FSTL5: variants seen among roughly 807,000 people sequenced by gnomAD.
The protein encoded by FSTL5 is follistatin-related protein 5.
Under a neutral mutation model 89.1 loss-of-function variants are expected in FSTL5, and 62 were observed. The ratio of observed to expected loss-of-function variants is 0.70; its 90% CI spans 0.57 to 0.86. The LOEUF (loss-of-function observed/expected upper bound fraction) is 0.86, where lower values mean the gene tolerates loss of function less well. Among genes scored for constraint, FSTL5 ranks in the 40% least tolerant of loss-of-function variants. The pLI, the probability that FSTL5 is intolerant of heterozygous loss-of-function variation, is 0.00. For missense variants in FSTL5, 1,057 were observed against 1,001.6 expected (o/e 1.06, Z -0.75); for synonymous variants, 383 against 346.2 (o/e 1.11, Z -1.18).
chr4:161,830,337 T>A (rs6814878), intron 4 of FSTL5, among the ~76,000 whole-genome samples: 1 of 151,894 alleles, frequency 6.6e-6, no homozygotes, highest in Non-Finnish European at 1.5e-5. Flanking sequence ...AGTTCTTATG[T>A]GGATAGTAAG....
In FSTL5 at chr4:161,385,407, A is replaced by G. The variant is rs917065188; in HGVS notation, c.*340T>C. Reference sequence around the variant, plus strand: ...CAGAGAAAAAAAATAAACTACCCTCAAAATGAAATAATGCTTTATGTCATC... The same window carrying G: ...CAGAGAAAAAAAATAAACTACCCTCGAAATGAAATAATGCTTTATGTCATC... On this transcript the variant is annotated 3_prime_UTR_variant, in exon 16 of 16. Coordinates refer to ENST00000306100, the MANE Select transcript of FSTL5 (RefSeq NM_020116.5). The G allele has an allele frequency of 5.2e-6, 1 of 192,358 alleles. No individual in the cohort carries two copies. Among genetic ancestry groups the G allele is most frequent in the East Asian group, 1.4e-4 (1 of 7,134 alleles). 11.9% of individuals were successfully genotyped at this position (192,358 alleles called of 1,614,324 possible).
In FSTL5 at chr4:161,963,777, T is replaced by C. The variant is rs149191575; in HGVS notation, c.161-43125A>G. Among the ~76,000 whole-genome samples the C allele has an allele frequency of 2.2e-4, 34 of 152,086 alleles. No individual in the cohort carries two copies. In the East Asian group the frequency reaches 6.0e-3, roughly 27 times the overall value. On this transcript the variant is annotated intron_variant, in intron 3 of 15. Transcript: ENST00000306100. ...TTGGATAAGTATAAATATGACACTA[T>C]GCTGTGCCAAACAAATTAAGAAGGC... is the stretch of plus-strand genomic sequence containing the variant.
At chr4:161,392,583 C>A (rs1730856628) in intron 15 of FSTL5, among the ~76,000 whole-genome samples, 1 of 152,102 alleles carries the variant, frequency 6.6e-6, no homozygotes, top group African/African-American at 2.4e-5. Context: ...AGCCCTCTAA[C>A]TCTTTTTCAG....
At chr4:161,793,178 T>A (rs760801731) in intron 4 of FSTL5, among the ~76,000 whole-genome samples, 3 of 152,210 alleles carry the variant, frequency 2.0e-5, no homozygotes, top group Non-Finnish European at 4.4e-5. Flanking sequence ...AAGCAGCCAA[T>A]GTGCCTGACT....
intron 1 of FSTL5, among the ~76,000 whole-genome samples, chr4:162,121,729 A>G (rs927948804): frequency 4.6e-5 from 7 of 152,006 alleles, no homozygotes; most frequent in Admixed American, 2.0e-4. Context: ...AGTTACTTCA[A>G]TATTGACCCT....
At chr4:162,137,470 C>CAT (rs1732563350) in intron 1 of FSTL5, among the ~76,000 whole-genome samples, 1 of 151,952 alleles carries the variant, frequency 6.6e-6, no homozygotes, top group Admixed American at 6.6e-5. Flanking sequence ...CACACACACA[C>CAT]ATATATAACA....
chr4:161,664,408 G>A (rs1579004739), intron 6 of FSTL5, among the ~76,000 whole-genome samples: 1 of 152,098 alleles, frequency 6.6e-6, no homozygotes, highest in East Asian at 1.9e-4. Context: ...TCTCTCCCAA[G>A]TTCAAAGTTT....
chr4:161,425,637 A>G (rs1732143288), intron 15 of FSTL5, among the ~76,000 whole-genome samples: 2 of 152,172 alleles, frequency 1.3e-5, no homozygotes, highest in African/African-American at 2.4e-5. Context: ...GGCATTAGAG[A>G]GAAGAATAGC....
At chr4:161,450,688 A>T (rs1733132297) in intron 15 of FSTL5, among the ~76,000 whole-genome samples, 1 of 151,416 alleles carries the variant, frequency 6.6e-6, no homozygotes, top group Non-Finnish European at 1.5e-5. Flanking sequence ...ATGTATTATC[A>T]TTTCAAATTT....
At chr4:161,688,757 A>C (rs538098961) in intron 6 of FSTL5, among the ~76,000 whole-genome samples, 1 of 152,240 alleles carries the variant, frequency 6.6e-6, no homozygotes, top group Non-Finnish European at 1.5e-5. Flanking sequence ...AATGAATGGC[A>C]TCTTTCATTA....
chr4:162,005,594 G>A (rs1736593034), intron 3 of FSTL5, among the ~76,000 whole-genome samples: 1 of 152,040 alleles, frequency 6.6e-6, no homozygotes, highest in Non-Finnish European at 1.5e-5. Flanking sequence ...GAGATCAAGG[G>A]GAAGGGGAGA....
chr4:161,897,651 C>A (rs1042350178), intron 4 of FSTL5, among the ~76,000 whole-genome samples: 5 of 151,474 alleles, frequency 3.3e-5, no homozygotes, highest in Admixed American at 2.6e-4. Flanking sequence ...CACAAAATCC[C>A]AGTTTCCCCT....
intron 4 of FSTL5, among the ~76,000 whole-genome samples, chr4:161,806,580 A>G (rs965437748): frequency 6.6e-6 from 1 of 152,208 alleles, no homozygotes; most frequent in Non-Finnish European, 1.5e-5. Context: ...ATGCCTCAGA[A>G]TAGTCTAAGT....
At chr4:161,686,120 GATTA>G (rs915026292) in intron 6 of FSTL5, among the ~76,000 whole-genome samples, 50 of 151,054 alleles carry the variant, frequency 3.3e-4, no homozygotes, top group African/African-American at 1.2e-3. Context: ...GATCATGATG[GATTA>G]ATTTTTTGAT....
At chr4:161,855,779 G>C (rs1429129308) in intron 4 of FSTL5, among the ~76,000 whole-genome samples, 3 of 152,002 alleles carry the variant, frequency 2.0e-5, no homozygotes, top group Admixed American at 2.0e-4. Context: ...CACTTAGACT[G>C]GTAAAATACC....
chr4:161,736,171 A>C (rs921577281), intron 6 of FSTL5, among the ~76,000 whole-genome samples: 1 of 152,166 alleles, frequency 6.6e-6, no homozygotes, highest in African/African-American at 2.4e-5. Flanking sequence ...TTGTAACTGC[A>C]CATTTGATTA....
chr4:161,935,259 AC>A (rs1560924880), intron 3 of FSTL5, among the ~76,000 whole-genome samples: 1 of 152,078 alleles, frequency 6.6e-6, no homozygotes, highest in African/African-American at 2.4e-5. Context: ...ACCTTTGGAC[AC>A]TAGTAATTCC....
intron 3 of FSTL5, among the ~76,000 whole-genome samples, chr4:161,946,735 T>A (rs1357736992): frequency 6.6e-6 from 1 of 152,174 alleles, no homozygotes; most frequent in Non-Finnish European, 1.5e-5. Flanking sequence ...TGTGGAAGTA[T>A]GTTCTCATTA....
rs1018688715 is a variant in FSTL5 at position 161,619,001 on chromosome 4, A to C, written c.895-31426T>G. Among the ~76,000 whole-genome samples the C allele has an allele frequency of 4.0e-4, 61 of 152,328 alleles. 1 individual carries two copies. The highest frequency in any genetic ancestry group is 6.5e-4 in the Non-Finnish European group (44 of 68,028). ...TGGTACCAAAACAGAGATATAGATC[A>C]ATGGAACAGAACAGAGCCCTCAGAA... On this transcript the variant is annotated intron_variant, in intron 7 of 15. Transcript: ENST00000306100.
Sources: allele counts gnomAD v4.1 joint callset (sites outside exome capture counted in the v4.1 genomes callset), GRCh38; gene constraint gnomAD v4.1.1; transcripts MANE v1.5; gene names NCBI Gene and HGNC (gene_info 2026-07-23, HGNC 2026-07-21).